The following SCP2 variants were observed in gnomAD, a reference collection of about 807,000 sequenced individuals.
SCP2 encodes the protein sterol carrier protein 2.
In SCP2, 48 loss-of-function variants were observed where a neutral mutation model predicts 71.4. The observed-to-expected ratio is 0.67, with a 90% CI of 0.53 to 0.86. The LOEUF (loss-of-function observed/expected upper bound fraction) is 0.86, where lower values mean the gene tolerates loss of function less well. Among genes scored for constraint, SCP2 ranks in the 40% least tolerant of loss-of-function variants. The pLI is 0.00. For missense variants in SCP2, 560 were observed against 655.6 expected, an observed-to-expected ratio of 0.85 and a Z score of 1.59; for synonymous variants, 220 against 218.1, an observed-to-expected ratio of 1.01 and a Z score of -0.08.
intron 11 of SCP2, among the ~76,000 whole-genome samples, chr1:53,014,494 A>G (rs1278030346): frequency 6.6e-6 from 1 of 152,174 alleles, no homozygotes; most frequent in Non-Finnish European, 1.5e-5. Flanking sequence ...TGTTGTTGGG[A>G]ACTACTTGGA....
At chr1:53,025,764 C>T (rs1310630794) in intron 12 of SCP2, among the ~76,000 whole-genome samples, 1 of 152,230 alleles carries the variant, frequency 6.6e-6, no homozygotes, top group Non-Finnish European at 1.5e-5. Flanking sequence ...TCCTCTTGCT[C>T]CTCTCTCCAT....
chr1:52,957,151 A>G (rs4500256), intron 5 of SCP2, among the ~76,000 whole-genome samples: 152,166 of 152,266 alleles, frequency 1, 76,033 homozygotes, highest in Middle Eastern at 1. Flanking sequence ...CTCGTGATCT[A>G]CCCACCTCGG....
chr1:52,929,922 C>G (rs761408561), intron 1 of SCP2, among the ~76,000 whole-genome samples: 5 of 152,194 alleles, frequency 3.3e-5, no homozygotes, highest in Non-Finnish European at 7.3e-5. Flanking sequence ...CGCACCTGGC[C>G]GTCAACAGGT....
chr1:52,974,522 A>C (rs776841819), intron 6 of SCP2, among the ~76,000 whole-genome samples: 10 of 152,208 alleles, frequency 6.6e-5, no homozygotes, highest in Non-Finnish European at 1.3e-4. Flanking sequence ...TATTTTAATT[A>C]GAATAGATCA....
chr1:52,995,368 AC>A (rs1277037821), intron 11 of SCP2: 3 of 468,842 alleles, frequency 6.4e-6, no homozygotes, highest in Non-Finnish European at 8.5e-6. Context: ...GAAGCTGACC[AC>A]ACCAAACTAT....
At chr1:52,959,856 C>T (rs2150139292) in intron 5 of SCP2, among the ~76,000 whole-genome samples, 1 of 150,562 alleles carries the variant, frequency 6.6e-6, no homozygotes, top group African/African-American at 2.4e-5. Flanking sequence ...AGAAAGTTTA[C>T]AATAAAACGA....
chr1:53,033,391 C>T (rs1662687919), intron 13 of SCP2, among the ~76,000 whole-genome samples: 1 of 151,466 alleles, frequency 6.6e-6, no homozygotes, highest in Admixed American at 6.6e-5. Context: ...TCACTTGAGG[C>T]CAGGAGTTCA....
At chr1:53,004,822 G>A (rs1010739605) in intron 11 of SCP2, among the ~76,000 whole-genome samples, 5 of 152,208 alleles carry the variant, frequency 3.3e-5, no homozygotes, top group African/African-American at 9.7e-5. Context: ...AAGCAGGGCA[G>A]GGCATTGCCT....
At chr1:53,040,423 C>A (rs1219843571) in intron 14 of SCP2, among the ~76,000 whole-genome samples, 1 of 152,196 alleles carries the variant, frequency 6.6e-6, no homozygotes, top group African/African-American at 2.4e-5. Context: ...TCCGGAATTA[C>A]CTTCTCCCAG....
chr1:53,042,192 G>A (rs1461761670), intron 14 of SCP2, among the ~76,000 whole-genome samples: 5 of 151,660 alleles, frequency 3.3e-5, no homozygotes, highest in Non-Finnish European at 7.4e-5. Flanking sequence ...CTAAGGTGGT[G>A]TACAAAGAAA....
At chr1:52,955,495 A>G (rs1655712983) in intron 5 of SCP2, among the ~76,000 whole-genome samples, 1 of 152,164 alleles carries the variant, frequency 6.6e-6, no homozygotes, top group African/African-American at 2.4e-5. Flanking sequence ...GAGAGTTACC[A>G]TGGCATCCAG....
chr1:52,938,315 G>A (rs1653918048), intron 1 of SCP2, among the ~76,000 whole-genome samples: 1 of 152,126 alleles, frequency 6.6e-6, no homozygotes, highest in East Asian at 1.9e-4. Context: ...GGGTTGTGTT[G>A]TAAAATGTAT....
At chr1:52,986,989 T>TAC (rs1659039266) in intron 10 of SCP2, among the ~76,000 whole-genome samples, 1 of 90,572 alleles carries the variant, frequency 1.1e-5, no homozygotes, top group African/African-American at 5.3e-5. Context: ...TTCTTCTGTA[T>TAC]ATATATATAT....
At chr1:52,961,313 T>C (rs979499098) in intron 5 of SCP2, among the ~76,000 whole-genome samples, 190 bp from the exon 6 acceptor site, 1 of 152,066 alleles carries the variant, frequency 6.6e-6, no homozygotes, top group African/African-American at 2.4e-5. Context: ...AATACCTCTT[T>C]GGTCACTTGA....
intron 7 of SCP2, among the ~76,000 whole-genome samples, chr1:52,976,231 A>G (rs72899330): frequency 0.065 from 9,783 of 151,458 alleles, 544 homozygotes; most frequent in East Asian, 0.2. Flanking sequence ...TCATTATGTC[A>G]GCATGCTAGA....
At chr1:53,038,811 C>T in intron 13 of SCP2, 106 bp from the exon 14 acceptor site, 1 of 1,443,182 alleles carries the variant, frequency 6.9e-7, no homozygotes, top group Non-Finnish European at 9.7e-7. Flanking sequence ...GGGACCGCTC[C>T]CTGGCCCGTA....
intron 13 of SCP2, among the ~76,000 whole-genome samples, chr1:53,034,221 G>A (rs6673572): frequency 0.14 from 21,554 of 151,564 alleles, 2,250 homozygotes; most frequent in East Asian, 0.33. Flanking sequence ...AGGTTGCAGT[G>A]AGTTGAAACA....
At chr1:52,995,093 A>C in intron 11 of SCP2, 1 of 500,296 alleles carries the variant, frequency 2.0e-6, no homozygotes, top group Non-Finnish European at 4.0e-6. Context: ...GTGCAGGAGG[A>C]GTAAGAGAGC....
rs749938617 is a variant in SCP2, at chr1:53,014,997, G to C, written c.1189G>C (p.Ala397Pro). 2.5e-6 allele frequency: 4 copies of C among 1,614,032 alleles called. No homozygotes were observed. Among genetic ancestry groups the C allele is most frequent in the Non-Finnish European group, 3.4e-6 (4 of 1,180,018 alleles). Reference protein sequence around the residue: ...ALQHNLGIGGAVVVTLYKMGF... With the variant: ...ALQHNLGIGGPVVVTLYKMGF... ...GCAGCATAATTTAGGCATTGGAGGA[G>C]CTGTGGTTGTAACACTCTACAAGAT... Residue 397 changes from alanine to proline, a missense_variant, in exon 12 of 16, where the codon GCT becomes CCT. Ala to Pro is a conservative substitution (Grantham distance 27). Transcript: ENST00000371514.
Sources: gnomAD v4.1 joint callset for allele counts (sites outside exome capture counted in the v4.1 genomes callset) on GRCh38, gnomAD v4.1.1 for gene constraint, MANE v1.5 for transcripts, NCBI Gene and HGNC (gene_info 2026-07-23, HGNC 2026-07-21) for gene names.